FBN3: variants seen among roughly 807,000 people sequenced by gnomAD.
The protein encoded by FBN3 is fibrillin 3, also known as fibrillin-3.
Under a neutral mutation model 330.1 loss-of-function variants are expected in FBN3, and 234 were observed. That is an observed-to-expected ratio of 0.71 (90% CI 0.64 to 0.79). FBN3 has a LOEUF of 0.79. FBN3 is among the 30% of genes least tolerant of loss of function. The pLI, the probability that FBN3 is intolerant of heterozygous loss-of-function variation, is 0.00. For synonymous variants in FBN3, 1,458 were observed against 1,517.3 expected (o/e 0.96, Z 0.91); for missense variants, 3,606 against 3,886.9 (o/e 0.93, Z 1.92).
chr19:8,067,814 A>G (rs17160128), intron 63 of FBN3, among the ~76,000 whole-genome samples: 21,590 of 152,090 alleles, frequency 0.14, 2,027 homozygotes, highest in East Asian at 0.42. Context: ...AAAGACATGA[A>G]GTTGGCTGAG....
chr19:8,087,669 T>C (rs368687129), intron 53 of FBN3, among the ~76,000 whole-genome samples, 156 bp downstream of exon 53: 1 of 142,104 alleles, frequency 7.0e-6, no homozygotes. Context: ...TGCAGTGGCA[T>C]GATCTCGGCT....
At chr19:8,134,097 C>A (rs1276180454) in intron 13 of FBN3, among the ~76,000 whole-genome samples, 1 of 150,968 alleles carries the variant, frequency 6.6e-6, no homozygotes, top group Non-Finnish European at 1.5e-5. Context: ...AAAAAATCAG[C>A]CGGGCGTGGT....
At chr19:8,111,508 G>T in intron 32 of FBN3, 140 bp downstream of exon 32, 1 of 985,716 alleles carries the variant, frequency 1.0e-6, no homozygotes, top group Non-Finnish European at 1.5e-6. Flanking sequence ...CTGGGCCGAG[G>T]ACACAGCCTC....
intron 40 of FBN3, among the ~76,000 whole-genome samples, chr19:8,101,398 C>T (rs1360220168): frequency 1.3e-5 from 2 of 152,214 alleles, no homozygotes; most frequent in African/African-American, 4.8e-5. Flanking sequence ...CCTGCAGCTC[C>T]TCCTGGTGCC....
chr19:8,091,830 A>G (rs1344573036), intron 47 of FBN3, among the ~76,000 whole-genome samples: 1 of 152,196 alleles, frequency 6.6e-6, no homozygotes, highest in Non-Finnish European at 1.5e-5. Context: ...TCATGATTGG[A>G]GACTGAAACT....
At position 8,121,166 on chromosome 19, in the gene FBN3, G is replaced by T. The variant is rs879227858; in HGVS notation, c.3211+92C>A. On this transcript the variant is annotated intron_variant, in intron 25 of 63. Transcript: ENST00000600128. This position sits in a 1 kb window ranked among gnomAD's most constrained non-coding sequence, Gnocchi z 4.5. Reference sequence around the variant, plus strand: ...CCCTCCTCCTGCCCCCTCCATCCACGTCCACACAGCAACAGCCGTCCCCAC... The same window carrying T: ...CCCTCCTCCTGCCCCCTCCATCCACTTCCACACAGCAACAGCCGTCCCCAC... The T allele has an allele frequency of 4.0e-6, 5 of 1,255,520 alleles. No individual in the cohort carries two copies. Among genetic ancestry groups the T allele is most frequent in the Non-Finnish European group, 5.5e-6 (5 of 903,338 alleles). 77.8% of individuals were successfully genotyped at this position (1,255,520 alleles called of 1,614,324 possible).
intron 53 of FBN3, 84 bp from the exon 54 acceptor site, chr19:8,087,295 T>G: frequency 7.0e-7 from 1 of 1,435,258 alleles, no homozygotes; most frequent in Non-Finnish European, 9.2e-7. Context: ...GCGTCAGCCC[T>G]GTGGGACCTG....
chr19:8,106,106 A>G lies in FBN3; in HGVS notation c.4813+2T>C. ...CCCACCCCAAAGAGAATCCATGCTC[A>G]CCCTCACAGATGCGGGTGTGCTCAC... On this transcript the variant is annotated splice_donor_variant, in intron 38 of 63. Coordinates refer to ENST00000600128, the MANE Select transcript of FBN3 (RefSeq NM_032447.5). LOFTEE classifies it high-confidence loss of function. The G allele has an allele frequency of 6.2e-7, 1 of 1,614,060 alleles. No homozygotes were observed. The highest frequency in any genetic ancestry group is 8.5e-7 in the Non-Finnish European group (1 of 1,179,954).
intron 13 of FBN3, among the ~76,000 whole-genome samples, chr19:8,133,367 G>A (rs902169802): frequency 1.3e-5 from 2 of 152,216 alleles, no homozygotes; most frequent in East Asian, 1.9e-4. Context: ...CTGAATAAAC[G>A]TGGTGGTTTT....
chr19:8,111,686 C>T lies in FBN3; in HGVS notation c.4046G>A (p.Cys1349Tyr). Reference protein sequence around the residue: ...LNVPGSYRCTCRQGFAGDGFF... With the variant: ...LNVPGSYRCTYRQGFAGDGFF... The stretch of plus-strand genomic sequence containing the variant: ...GCCATCCCCGGCAAAGCCCTGGCGG[C>T]AGGTGCAGCGGTAGGAGCCAGGGAC... Residue 1349 changes from cysteine (C) to tyrosine (Y), a missense_variant, in exon 32 of 64, where the codon TGC becomes TAC. By Grantham distance (194) the Cys-to-Tyr change is radical. Coordinates refer to ENST00000600128, the MANE Select transcript of FBN3 (RefSeq NM_032447.5). 1 of 1,596,714 alleles carries T rather than the reference C, an allele frequency of 6.3e-7. No individual in the cohort carries two copies.
At position 8,116,761 on chromosome 19, in the gene FBN3, G is replaced by A. The variant is rs1429613063; in HGVS notation, c.3625C>T (p.Gln1209Ter). Residue 1209 changes from glutamine (Q) to a stop codon, truncating the protein, a stop_gained, in exon 29 of 64, where the codon CAA becomes TAA. Transcript: ENST00000600128. LOFTEE classifies it high-confidence loss of function. The stretch of plus-strand genomic sequence containing the variant: ...CCTGGCATGTTGGTGCAGTGGCCTT[G>A]GTCACAAACGCGGGGGTTCTCTTCA... ...ECEENPRVCD[Q>*]GHCTNMPGGH... is the part of the protein sequence containing the mutation. 2 of 1,613,966 alleles carry A rather than the reference G, an allele frequency of 1.2e-6. No homozygotes were observed. The highest frequency in any genetic ancestry group is 2.7e-5 in the African/African-American group (2 of 74,906).
At chr19:8,104,452 C>T (rs2082395748) in intron 38 of FBN3, among the ~76,000 whole-genome samples, 1 of 145,092 alleles carries the variant, frequency 6.9e-6, no homozygotes, top group African/African-American at 2.5e-5. Context: ...GCCTGGACAA[C>T]AGAGTGAGAC....
At position 8,129,528 on chromosome 19, in the gene FBN3, AGCCTGGAC is replaced by A; in HGVS notation, c.2045-171_2045-164del. 6.6e-6 allele frequency among the ~76,000 whole-genome samples: 1 copy of A among 152,132 alleles called. No individual in the cohort carries two copies. The highest frequency in any genetic ancestry group is 1.5e-5 in the Non-Finnish European group (1 of 68,020). On this transcript the variant is annotated intron_variant, in intron 16 of 63. Coordinates refer to ENST00000600128, the MANE Select transcript of FBN3 (RefSeq NM_032447.5). The surrounding 1 kb of genome is among the most constrained non-coding windows in gnomAD (Gnocchi z 4.5). Reference sequence around the variant, plus strand: ...ATTCTGCTCTAAACCGAGGTTTCTCAGCCTGGACACTGCTGACATTTGGGGCCAGATCA... The same window carrying A: ...ATTCTGCTCTAAACCGAGGTTTCTCAACTGCTGACATTTGGGGCCAGATCA...
chr19:8,108,027 G>A (rs889952053), intron 37 of FBN3, 143 bp downstream of exon 37: 1 of 608,560 alleles, frequency 1.6e-6, no homozygotes. Flanking sequence ...AGCATAGTGT[G>A]GTCCTGCTGC....
intron 37 of FBN3, among the ~76,000 whole-genome samples, chr19:8,107,060 G>A (rs2082455140): frequency 1.3e-5 from 2 of 151,166 alleles, no homozygotes; most frequent in South Asian, 2.1e-4. Context: ...GGATAGCAGA[G>A]GGATGAGTGA....
Position 8,147,515 on chromosome 19 carries a change from A to C in FBN3, c.-17-18T>G, listed in dbSNP as rs756918438. 7.1e-5 allele frequency: 102 copies of C among 1,434,376 alleles called. No individual in the cohort carries two copies. Among genetic ancestry groups the C allele is most frequent in the Non-Finnish European group, 8.8e-5 (96 of 1,092,078 alleles). 88.9% of individuals were successfully genotyped at this position (1,434,376 alleles called of 1,614,324 possible). ...CCTGGAGGCTGCGGAGAGGAAGCAGAGTCAGCCCTAGATGAGCCCCCCACC... is the reference window on the plus strand; with the variant it reads ...CCTGGAGGCTGCGGAGAGGAAGCAGCGTCAGCCCTAGATGAGCCCCCCACC... On this transcript the variant is annotated intron_variant, in intron 1 of 63. Coordinates refer to ENST00000600128, the MANE Select transcript of FBN3 (RefSeq NM_032447.5).
chr19:8,108,484 T>C (rs1231470087), intron 36 of FBN3, among the ~76,000 whole-genome samples: 1 of 152,000 alleles, frequency 6.6e-6, no homozygotes, highest in Non-Finnish European at 1.5e-5. Flanking sequence ...TGGGTTCCCA[T>C]TCAACATGTG....
chr19:8,120,470 T>C, intron 25 of FBN3, among the ~76,000 whole-genome samples: 1 of 141,292 alleles, frequency 7.1e-6, no homozygotes, highest in Non-Finnish European at 1.6e-5. Flanking sequence ...ATGCCTGGCT[T>C]TTTCCTCTTC....
intron 61 of FBN3, 34 bp from the exon 62 acceptor site, chr19:8,073,331 C>G: frequency 6.4e-7 from 1 of 1,572,874 alleles, no homozygotes; most frequent in Non-Finnish European, 8.7e-7. Flanking sequence ...AGGGAGGACG[C>G]AGAGGTGGGG....
Sources: allele counts gnomAD v4.1 joint callset (sites outside exome capture counted in the v4.1 genomes callset), GRCh38; gene constraint gnomAD v4.1.1; non-coding constraint Gnocchi (gnomAD v3.1); transcripts MANE v1.5; gene names NCBI Gene and HGNC (gene_info 2026-07-23, HGNC 2026-07-21).